Variants in BBS9 observed in about 807,000 individuals in gnomAD.
BBS9 encodes Bardet-Biedl syndrome 9, also known as protein PTHB1.
A neutral mutation model predicts 117.7 loss-of-function variants in BBS9; 89 were observed. The observed-to-expected ratio is 0.76, with a 90% CI of 0.64 to 0.90. BBS9 has a LOEUF of 0.90. BBS9 is among the 40% of genes least tolerant of loss of function. The probability of loss-of-function intolerance (pLI) is 0.00; values close to 1 mark genes in which losing one functional copy is unlikely to be tolerated. For missense variants in BBS9, 982 were observed against 1,042.2 expected, an observed-to-expected ratio of 0.94 and a Z score of 0.80; for synonymous variants, 379 against 370.9, an observed-to-expected ratio of 1.02 and a Z score of -0.25.
At chr7:33,518,245 C>CTTTTTTTTTTT (rs747829401) in intron 20 of BBS9, among the ~76,000 whole-genome samples, 1 of 93,930 alleles carries the variant, frequency 1.1e-5, no homozygotes, top group Admixed American at 1.4e-4. Flanking sequence ...TGTATATATT[C>CTTTTTTTTTTT]TTTTTTTTTT....
intron 19 of BBS9, among the ~76,000 whole-genome samples, chr7:33,440,509 G>T (rs1395670736): frequency 6.6e-6 from 1 of 152,178 alleles, no homozygotes; most frequent in East Asian, 1.9e-4. Context: ...TGGTGGGGAT[G>T]CTACTGTGTA....
chr7:33,212,744 T>G (rs1459191354), intron 5 of BBS9, among the ~76,000 whole-genome samples: 1 of 152,222 alleles, frequency 6.6e-6, no homozygotes, highest in Non-Finnish European at 1.5e-5. Context: ...AATATCGCTG[T>G]GGTTTCTGCA....
intron 21 of BBS9, among the ~76,000 whole-genome samples, chr7:33,592,276 C>G (rs1343285072): frequency 8.6e-5 from 13 of 151,930 alleles, no homozygotes; most frequent in African/African-American, 3.1e-4. Context: ...GTGATGAGCC[C>G]CATTACAAGC....
intron 19 of BBS9, among the ~76,000 whole-genome samples, chr7:33,408,140 G>T (rs1830403405): frequency 1.3e-5 from 2 of 152,236 alleles, no homozygotes; most frequent in Admixed American, 6.5e-5. Context: ...CCTGGGCAAT[G>T]GCGGGCGCCC....
chr7:33,296,211 A>G (rs879899782), intron 9 of BBS9, among the ~76,000 whole-genome samples: 1 of 152,168 alleles, frequency 6.6e-6, no homozygotes, highest in Non-Finnish European at 1.5e-5. Flanking sequence ...TATCTCTGGA[A>G]TTCTCCGTTA....
chr7:33,470,217 A>G (rs1460905048), intron 19 of BBS9, among the ~76,000 whole-genome samples: 1 of 151,678 alleles, frequency 6.6e-6, no homozygotes, highest in East Asian at 1.9e-4. Context: ...TTACAAGAAT[A>G]TTTTTTCCAG....
chr7:33,233,100 G>GC (rs1792798761), intron 5 of BBS9, among the ~76,000 whole-genome samples: 1 of 152,074 alleles, frequency 6.6e-6, no homozygotes, highest in South Asian at 2.1e-4. Flanking sequence ...GAAGAAATAG[G>GC]GGGGGTTGAG....
chr7:33,131,444 A>T lies in BBS9; in HGVS notation c.-12+1403A>T, dbSNP rs371204048. Among the ~76,000 whole-genome samples, 52 of 152,336 alleles carry T rather than the reference A, an allele frequency of 3.4e-4. No homozygotes were observed. The South Asian group carries it at 0.011, about 32-fold the overall frequency. On this transcript the variant is annotated intron_variant, in intron 1 of 22. Transcript: ENST00000242067. ...TTTGAGTCTTTTGTTGAAAATTCCA[A>T]CAGTGAGCCCTTGTATTATTGCCTT...
intron 9 of BBS9, among the ~76,000 whole-genome samples, chr7:33,296,124 A>G (rs1029333146): frequency 6.6e-6 from 1 of 152,124 alleles, no homozygotes; most frequent in Non-Finnish European, 1.5e-5. Context: ...ACACTTTAAA[A>G]TGGGTAGAAA....
At chr7:33,201,328 G>A (rs1000909879) in intron 5 of BBS9, among the ~76,000 whole-genome samples, 1 of 152,108 alleles carries the variant, frequency 6.6e-6, no homozygotes, top group Non-Finnish European at 1.5e-5. Flanking sequence ...ATGGAGGAAG[G>A]ATCCTGGGTA....
At chr7:33,588,937 G>C (rs900030414) in intron 21 of BBS9, among the ~76,000 whole-genome samples, 1 of 152,108 alleles carries the variant, frequency 6.6e-6, no homozygotes, top group Non-Finnish European at 1.5e-5. Flanking sequence ...TGCAGCCTTT[G>C]TGCAGACATT....
intron 9 of BBS9, among the ~76,000 whole-genome samples, chr7:33,310,042 C>T (rs540087572): frequency 1.3e-5 from 2 of 152,308 alleles, no homozygotes; most frequent in African/African-American, 4.8e-5. Flanking sequence ...GTCTGCAAGA[C>T]CTGTACTTTC....
intron 4 of BBS9, among the ~76,000 whole-genome samples, chr7:33,174,164 A>T (rs1333006161): frequency 6.6e-6 from 1 of 152,192 alleles, no homozygotes; most frequent in African/African-American, 2.4e-5. Context: ...GCTCAAAGAA[A>T]CTAGGAGAGC....
chr7:33,613,251 T>G (rs1244370246), intron 21 of BBS9, among the ~76,000 whole-genome samples: 3 of 152,096 alleles, frequency 2.0e-5, no homozygotes, highest in Non-Finnish European at 4.4e-5. Context: ...AAAGTATTGT[T>G]CTGGAAATCA....
At chr7:33,488,369 A>T (rs1384496683) in intron 19 of BBS9, among the ~76,000 whole-genome samples, 1 of 152,126 alleles carries the variant, frequency 6.6e-6, no homozygotes, top group Non-Finnish European at 1.5e-5. Flanking sequence ...TTTTTTCCTC[A>T]TAAAAGGGGG....
At chr7:33,174,559 C>A (rs906106595) in intron 4 of BBS9, among the ~76,000 whole-genome samples, 2 of 152,148 alleles carry the variant, frequency 1.3e-5, no homozygotes, top group Non-Finnish European at 2.9e-5. Context: ...TCAGCATTCA[C>A]CCCATTTGAA....
At chr7:33,155,454 C>T (rs1347638890) in intron 3 of BBS9, among the ~76,000 whole-genome samples, 184 bp from the exon 4 acceptor site, 1 of 152,162 alleles carries the variant, frequency 6.6e-6, no homozygotes, top group Non-Finnish European at 1.5e-5. Flanking sequence ...ACTTGAGCCT[C>T]TGGGGTTGTC....
intron 9 of BBS9, among the ~76,000 whole-genome samples, chr7:33,315,570 A>C (rs904078538): frequency 1.3e-5 from 2 of 152,146 alleles, no homozygotes; most frequent in African/African-American, 4.8e-5. Context: ...AGAGGAGACC[A>C]TTTTGGTCAT....
At chr7:33,360,698 A>T (rs1403895977) in intron 16 of BBS9, among the ~76,000 whole-genome samples, 1 of 151,484 alleles carries the variant, frequency 6.6e-6, no homozygotes, top group Non-Finnish European at 1.5e-5. Flanking sequence ...TTAAAAAAAA[A>T]TTATTTTGTA....
Sources: gnomAD v4.1 joint callset for allele counts (sites outside exome capture counted in the v4.1 genomes callset) on GRCh38, gnomAD v4.1.1 for gene constraint, MANE v1.5 for transcripts, NCBI Gene and HGNC (gene_info 2026-07-23, HGNC 2026-07-21) for gene names.